Variants in CEP162 observed in about 807,000 individuals in gnomAD.
The protein encoded by CEP162 is centrosomal protein 162.
Under a neutral mutation model 169.2 loss-of-function variants are expected in CEP162, and 141 were observed. The observed-to-expected ratio is 0.83, with a 90% CI of 0.73 to 0.96. The LOEUF (loss-of-function observed/expected upper bound fraction) is 0.96. Among genes scored for constraint, CEP162 ranks in the 40% least tolerant of loss-of-function variants. The pLI is 0.00. For synonymous variants in CEP162, 540 were observed against 526.4 expected, an observed-to-expected ratio of 1.03 and a Z score of -0.35; for missense variants, 1,600 against 1,587.2, an observed-to-expected ratio of 1.01 and a Z score of -0.14.
In CEP162 at chr6:84,146,616, T is replaced by A. The variant is rs886282440; in HGVS notation, c.3870+71A>T. ...CTATTTGTACATTTAGGTAAAAAAT[T>A]TATAAATATGAATATGATTGAAATG... is the stretch of plus-strand genomic sequence containing the variant. On this transcript the variant is annotated intron_variant, in intron 25 of 26. Transcript: ENST00000403245. The A allele has an allele frequency of 1.6e-4, 110 of 677,600 alleles. No individual in the cohort carries two copies. In the East Asian group the frequency reaches 3.0e-3, roughly 19 times the overall value. The allele number at this position is 677,600 out of a possible 1,614,324, so 42.0% of individuals were successfully genotyped here.
intron 13 of CEP162, among the ~76,000 whole-genome samples, chr6:84,180,912 C>T (rs1239694178): frequency 3.9e-5 from 6 of 152,138 alleles, no homozygotes; most frequent in African/African-American, 1.4e-4. Flanking sequence ...TGAAAATGGC[C>T]ATACTGCCCA....
chr6:84,167,849 CTTT>C (rs2099528453), intron 18 of CEP162, among the ~76,000 whole-genome samples: 1 of 152,080 alleles, frequency 6.6e-6, no homozygotes. Flanking sequence ...ATCTCAGCTT[CTTT>C]TTTCCTAATC....
At position 84,174,728 on chromosome 6, in the gene CEP162, T is replaced by C; in HGVS notation, c.2024A>G (p.Lys675Arg). Reference protein sequence around the residue: ...LNQDNYILQAKLSSFEETNKK... With the variant: ...LNQDNYILQARLSSFEETNKK... ...ATACCAGAACAATGTATCTAGTACCTTGGCTTGAAGAATATAATTATCTTG... is the reference window on the plus strand; with the variant it reads ...ATACCAGAACAATGTATCTAGTACCCTGGCTTGAAGAATATAATTATCTTG... Residue 675 changes from lysine (K) to arginine (R), a missense_variant and splice_region_variant, in exon 15 of 27, where the codon AAG becomes AGG. Coordinates refer to ENST00000403245, the MANE Select transcript of CEP162 (RefSeq NM_014895.4). 1 of 1,406,906 alleles carries C rather than the reference T, an allele frequency of 7.1e-7. No individual in the cohort carries two copies. Among genetic ancestry groups the C allele is most frequent in the Non-Finnish European group, 9.9e-7 (1 of 1,014,852 alleles). 87.2% of individuals were successfully genotyped at this position (1,406,906 alleles called of 1,614,324 possible). A position where few individuals can be genotyped will look rare whatever the true frequency, so the allele number is the denominator to read the frequency against.
intron 14 of CEP162, 41 bp from the exon 15 acceptor site, chr6:84,174,995 T>C: frequency 7.6e-7 from 1 of 1,318,420 alleles, no homozygotes; most frequent in Non-Finnish European, 1.1e-6. Context: ...TAGACTTATG[T>C]ATAAGATTTG....
At chr6:84,197,410 C>G (rs963715788) in intron 9 of CEP162, among the ~76,000 whole-genome samples, 1 of 152,002 alleles carries the variant, frequency 6.6e-6, no homozygotes, top group Non-Finnish European at 1.5e-5. Flanking sequence ...TTTTTCCATG[C>G]ATATCATGAA....
rs1347356037 is a variant in CEP162 at position 84,124,788 on chromosome 6, TTTTC to T, written c.*278_*281del. On this transcript the variant is annotated 3_prime_UTR_variant, in exon 27 of 27. Transcript: ENST00000403245. ...ATGTGGCGGAGTATGTTCAATTTTC[TTTTC>T]TTTCTATTTCTAGCATACAAGTGAG... is the stretch of plus-strand genomic sequence containing the variant. 1.3e-5 allele frequency: 5 copies of T among 381,108 alleles called. No homozygotes were observed. The highest frequency in any genetic ancestry group is 6.1e-5 in the East Asian group (1 of 16,276). The allele number at this position is 381,108 out of a possible 1,614,324, so 23.6% of individuals were successfully genotyped here. A position where few individuals can be genotyped will look rare whatever the true frequency, so the allele number is the denominator to read the frequency against.
At chr6:84,156,921 T>C (rs1021294060) in intron 21 of CEP162, among the ~76,000 whole-genome samples, 2 of 151,996 alleles carry the variant, frequency 1.3e-5, no homozygotes, top group Admixed American at 1.3e-4. Context: ...TGTACACACA[T>C]GTATATACAG....
rs776566249 is a variant in CEP162, at chr6:84,215,942, CAGATGA to C, written c.173-26_173-21del. ...GAAGTCCTAGGTACACAATTTAATACAGATGAAGATTTATGTTCAAAGAATTGTTTT... is the reference window on the plus strand; with the variant it reads ...GAAGTCCTAGGTACACAATTTAATACAGATTTATGTTCAAAGAATTGTTTT... On this transcript the variant is annotated intron_variant, in intron 3 of 26. Coordinates refer to ENST00000403245, the MANE Select transcript of CEP162 (RefSeq NM_014895.4). 9.2e-6 allele frequency: 14 copies of C among 1,514,336 alleles called. No individual in the cohort carries two copies. The African/African-American group carries it at 1.8e-4, about 20-fold the overall frequency. The allele number at this position is 1,514,336 out of a possible 1,614,324, so 93.8% of individuals were successfully genotyped here.
intron 3 of CEP162, 111 bp downstream of exon 3, chr6:84,220,946 C>A (rs2099553503): frequency 1.9e-6 from 1 of 538,040 alleles, no homozygotes; most frequent in Admixed American, 3.5e-5. Context: ...CAAAAATCCA[C>A]ACTATTAGTA....
chr6:84,146,206 T>C (rs1285047959), intron 25 of CEP162, among the ~76,000 whole-genome samples: 2 of 152,134 alleles, frequency 1.3e-5, no homozygotes, highest in Non-Finnish European at 2.9e-5. Flanking sequence ...TAAGCCACCA[T>C]TTTGAGTTAC....
chr6:84,213,145 G>T, intron 5 of CEP162, 121 bp from the exon 6 acceptor site: 2 of 540,038 alleles, frequency 3.7e-6, no homozygotes, highest in Non-Finnish European at 3.1e-6. Context: ...AAGTCCTTTT[G>T]TTCTATCAAA....
chr6:84,212,871 C>A, intron 6 of CEP162, 86 bp downstream of exon 6: 1 of 862,428 alleles, frequency 1.2e-6, no homozygotes, highest in South Asian at 1.7e-5. Flanking sequence ...TATGATTTTC[C>A]TTTTAATTAT....
chr6:84,150,052 T>A (rs896963918), intron 23 of CEP162, among the ~76,000 whole-genome samples: 3 of 152,162 alleles, frequency 2.0e-5, no homozygotes, highest in Non-Finnish European at 2.9e-5. Flanking sequence ...CTTGCCCAGA[T>A]GCTTCTTTGG....
rs112503506 is a variant in CEP162 at position 84,211,707 on chromosome 6, T to A, written c.571+1250A>T. Reference sequence around the variant, plus strand: ...GTGACCCATAAAACAAAGCTTAGCATTCTAACATAATTAGGGTCAGAGGGC... The same window carrying A: ...GTGACCCATAAAACAAAGCTTAGCAATCTAACATAATTAGGGTCAGAGGGC... On this transcript the variant is annotated intron_variant, in intron 6 of 26. Transcript: ENST00000403245. Among the ~76,000 whole-genome samples, 986 of 151,950 alleles carry A rather than the reference T, an allele frequency of 6.5e-3. 7 individuals carry two copies. The highest frequency in any genetic ancestry group is 0.023 in the African/African-American group (937 of 41,480).
chr6:84,175,521 A>G (rs1444746905), intron 13 of CEP162, among the ~76,000 whole-genome samples, 174 bp from the exon 14 acceptor site: 2 of 152,220 alleles, frequency 1.3e-5, no homozygotes, highest in East Asian at 3.9e-4. Context: ...GCATTCAGAA[A>G]GATTGCCACT....
chr6:84,176,464 C>T (rs2099532452), intron 13 of CEP162, among the ~76,000 whole-genome samples: 1 of 152,148 alleles, frequency 6.6e-6, no homozygotes, highest in African/African-American at 2.4e-5. Context: ...ACTTCCAAAT[C>T]ACTGGAGGCT....
At chr6:84,220,792 T>C (rs573405509) in intron 3 of CEP162, among the ~76,000 whole-genome samples, 22 of 152,178 alleles carry the variant, frequency 1.4e-4, no homozygotes, top group Non-Finnish European at 2.8e-4. Flanking sequence ...AACATGATAA[T>C]AAATATACCT....
rs1392543887 is a variant in CEP162 at position 84,125,155 on chromosome 6, A to G, written c.4127T>C (p.Ile1376Thr). The G allele has an allele frequency of 1.9e-6, 3 of 1,613,520 alleles. No homozygotes were observed. Among genetic ancestry groups the G allele is most frequent in the Admixed American group, 1.7e-5 (1 of 59,910 alleles). The change falls in exon 27 of 27, where the codon ATA (isoleucine) becomes ACA (threonine). Residue 1376 changes from isoleucine (I) to threonine (T), a missense_variant. Transcript: ENST00000403245. ...GTGCAGCTCTCGGAGAACATCTAAT[A>G]TTGAGTCTAGTTCTGTGCGGAACTT... ...LEKFRTELDSILDVLRELHRQ... is the reference protein window; with the variant it reads ...LEKFRTELDSTLDVLRELHRQ...
intron 25 of CEP162, among the ~76,000 whole-genome samples, chr6:84,127,481 GC>G (rs2099509412): frequency 6.6e-6 from 1 of 152,094 alleles, no homozygotes; most frequent in African/African-American, 2.4e-5. Context: ...GGGATGGTTT[GC>G]AGAGAGCTCA....
Sources: gnomAD v4.1 joint callset for allele counts (sites outside exome capture counted in the v4.1 genomes callset) on GRCh38, gnomAD v4.1.1 for gene constraint, MANE v1.5 for transcripts, NCBI Gene and HGNC (gene_info 2026-07-23, HGNC 2026-07-21) for gene names.